Variants in KIF6 observed in about 807,000 individuals in gnomAD.
KIF6 encodes kinesin family member 6.
KIF6 carries 106 observed loss-of-function variants against 112.7 expected under a neutral mutation model. The observed-to-expected ratio is 0.94, with a 90% CI of 0.80 to 1.11. The LOEUF (loss-of-function observed/expected upper bound fraction) is 1.11. Ranked by LOEUF, KIF6 falls within the 50% of genes least tolerant of loss-of-function variation. The pLI is 0.00. For synonymous variants in KIF6, 339 were observed against 339.9 expected, an observed-to-expected ratio of 1.00 and a Z score of 0.03; for missense variants, 929 against 964.0, an observed-to-expected ratio of 0.96 and a Z score of 0.48.
At chr6:39,718,229 C>CAAAAAAAA (rs35872391) in intron 2 of KIF6, among the ~76,000 whole-genome samples, 5 of 58,946 alleles carry the variant, frequency 8.5e-5, no homozygotes, top group Non-Finnish European at 1.5e-4. Flanking sequence ...GACTCCATCT[C>CAAAAAAAA]AAAAAAAAAA....
chr6:39,451,047 A>G (rs971346889), intron 13 of KIF6, among the ~76,000 whole-genome samples: 2 of 152,114 alleles, frequency 1.3e-5, no homozygotes, highest in Admixed American at 1.3e-4. Context: ...CTAATGCTGG[A>G]TTTTACATTG....
At chr6:39,346,104 C>CCCT (rs1763746351) in intron 20 of KIF6, among the ~76,000 whole-genome samples, 2 of 40,992 alleles carry the variant, frequency 4.9e-5, no homozygotes, top group Non-Finnish European at 8.8e-5. Context: ...TCTCCCTCCC[C>CCCT]CCCTCCCTCT....
chr6:39,567,086 T>C (rs1780327531), intron 10 of KIF6, among the ~76,000 whole-genome samples: 1 of 152,210 alleles, frequency 6.6e-6, no homozygotes, highest in Non-Finnish European at 1.5e-5. Flanking sequence ...TGCTTCTTTG[T>C]TTTCCAGTAG....
chr6:39,572,241 T>C (rs186252487), intron 10 of KIF6, among the ~76,000 whole-genome samples: 1 of 152,284 alleles, frequency 6.6e-6, no homozygotes, highest in Admixed American at 6.5e-5. Flanking sequence ...CATCCATTTA[T>C]TCTCTCCATT....
chr6:39,673,652 T>C (rs1194786011), intron 3 of KIF6, among the ~76,000 whole-genome samples: 1 of 152,140 alleles, frequency 6.6e-6, no homozygotes, highest in Non-Finnish European at 1.5e-5. Flanking sequence ...CATTATCAGC[T>C]GAGAAAAGAT....
intron 13 of KIF6, among the ~76,000 whole-genome samples, chr6:39,452,046 C>T (rs1772733213): frequency 1.3e-5 from 2 of 152,212 alleles, no homozygotes; most frequent in African/African-American, 4.8e-5. Context: ...TCAGTTTCCT[C>T]ATCCATGAAA....
At chr6:39,580,172 G>C (rs1781207129) in intron 9 of KIF6, among the ~76,000 whole-genome samples, 1 of 151,820 alleles carries the variant, frequency 6.6e-6, no homozygotes, top group Non-Finnish European at 1.5e-5. Flanking sequence ...CTTTCAATAA[G>C]GATCTATAAT....
chr6:39,351,075 G>A (rs1236877765), intron 19 of KIF6, among the ~76,000 whole-genome samples: 1 of 152,118 alleles, frequency 6.6e-6, no homozygotes, highest in African/African-American at 2.4e-5. Flanking sequence ...TCACCGAAGG[G>A]GCTTGGGGTG....
In KIF6 at chr6:39,336,464, A is replaced by AG. The variant is rs2113873501; in HGVS notation, c.*67dup. On this transcript the variant is annotated 3_prime_UTR_variant, in exon 23 of 23. Coordinates refer to ENST00000287152, the MANE Select transcript of KIF6 (RefSeq NM_145027.6). ...TTCACTTCTGAAGCCAGAGCAAGTG[A>AG]GGGGCGCTGCCTTCATCTGTGCTTC... 3.4e-6 allele frequency: 5 copies of AG among 1,484,216 alleles called. No homozygotes were observed. The African/African-American group carries it at 6.9e-5, about 20-fold the overall frequency. 91.9% of individuals were successfully genotyped at this position (1,484,216 alleles called of 1,614,324 possible).
chr6:39,563,268 A>AG (rs1175417333), intron 10 of KIF6, among the ~76,000 whole-genome samples: 2 of 152,056 alleles, frequency 1.3e-5, no homozygotes, highest in African/African-American at 4.8e-5. Flanking sequence ...AGAAGACAAA[A>AG]GATTACTCCA....
rs1276972288 is a variant in KIF6, at chr6:39,332,249, T to G, written c.*4283A>C. 6.6e-6 allele frequency: 1 copy of G among 152,176 alleles called. No individual in the cohort carries two copies. The highest frequency in any genetic ancestry group is 1.5e-5 in the Non-Finnish European group (1 of 68,026). The allele number at this position is 152,176 out of a possible 1,614,324, so 9.4% of individuals were successfully genotyped here. A position where few individuals can be genotyped will look rare whatever the true frequency, so the allele number is the denominator to read the frequency against. On this transcript the variant is annotated 3_prime_UTR_variant, in exon 23 of 23. Coordinates refer to ENST00000287152, the MANE Select transcript of KIF6 (RefSeq NM_145027.6). ...GGAGTGAGCCACCACACCCGGCCTCTATTTCTATTGATGGTTTTTTCTCCT... is the reference window on the plus strand; with the variant it reads ...GGAGTGAGCCACCACACCCGGCCTCGATTTCTATTGATGGTTTTTTCTCCT...
At chr6:39,365,739 C>A (rs929393411) in intron 16 of KIF6, among the ~76,000 whole-genome samples, 3 of 152,218 alleles carry the variant, frequency 2.0e-5, no homozygotes, top group African/African-American at 7.2e-5. Flanking sequence ...CCAAGGACAC[C>A]CCCAAGAAAT....
At chr6:39,337,155 T>TTTTCCTTCCTTTC (rs1554195029) in intron 22 of KIF6, among the ~76,000 whole-genome samples, 16 of 53,698 alleles carry the variant, frequency 3.0e-4, no homozygotes, top group East Asian at 2.4e-3. Context: ...TTTCTCTTTC[T>TTTTCCTTCCTTTC]TTTCTTTCTT....
chr6:39,658,290 G>C (rs1785920033), intron 3 of KIF6, among the ~76,000 whole-genome samples: 1 of 152,098 alleles, frequency 6.6e-6, no homozygotes, highest in Non-Finnish European at 1.5e-5. Flanking sequence ...AGGAGAGTTG[G>C]AACTGAGCCT....
chr6:39,555,768 C>A (rs1779670916), intron 10 of KIF6, among the ~76,000 whole-genome samples: 2 of 151,894 alleles, frequency 1.3e-5, no homozygotes, highest in African/African-American at 4.8e-5. Flanking sequence ...GCCTGGCCAA[C>A]ATGCTGAAAC....
chr6:39,616,347 G>A (rs1783518907), intron 5 of KIF6, among the ~76,000 whole-genome samples: 1 of 152,130 alleles, frequency 6.6e-6, no homozygotes, highest in African/African-American at 2.4e-5. Flanking sequence ...TTTCTTCATA[G>A]AACTCTCGGC....
At chr6:39,565,841 C>G (rs1780247962) in intron 10 of KIF6, among the ~76,000 whole-genome samples, 3 of 152,130 alleles carry the variant, frequency 2.0e-5, no homozygotes, top group Non-Finnish European at 4.4e-5. Context: ...AAATGGAAAA[C>G]AGGAGGTTTC....
chr6:39,437,222 A>G (rs1454756690), intron 13 of KIF6, among the ~76,000 whole-genome samples: 1 of 152,158 alleles, frequency 6.6e-6, no homozygotes, highest in Admixed American at 6.5e-5. Flanking sequence ...TATTTTGTAA[A>G]CTGAGGCTTT....
chr6:39,697,166 G>A (rs1356956919), intron 3 of KIF6, among the ~76,000 whole-genome samples: 1 of 152,036 alleles, frequency 6.6e-6, no homozygotes, highest in African/African-American at 2.4e-5. Flanking sequence ...CTGTCCTTTG[G>A]TGAAACCTCT....
Sources: gnomAD v4.1 joint callset for allele counts (sites outside exome capture counted in the v4.1 genomes callset) on GRCh38, gnomAD v4.1.1 for gene constraint, MANE v1.5 for transcripts, NCBI Gene and HGNC (gene_info 2026-07-23, HGNC 2026-07-21) for gene names.